The following FGD4 variants were observed in gnomAD, a reference collection of about 807,000 sequenced individuals.
FGD4 encodes the protein FYVE, RhoGEF and PH domain containing 4, also known as FYVE, RhoGEF and PH domain-containing protein 4.
In FGD4, 42 loss-of-function variants were observed where a neutral mutation model predicts 102.0. That is an observed-to-expected ratio of 0.41 (90% CI 0.32 to 0.53). The LOEUF (loss-of-function observed/expected upper bound fraction) is 0.53. Ranked by LOEUF, FGD4 falls within the 20% of genes least tolerant of loss-of-function variation. The probability of loss-of-function intolerance (pLI) is 0.21; values close to 1 mark genes in which losing one functional copy is unlikely to be tolerated. For synonymous variants in FGD4, 380 were observed against 375.7 expected (o/e 1.01, Z -0.13); for missense variants, 902 against 1,078.2 (o/e 0.84, Z 2.29).
intron 1 of FGD4, among the ~76,000 whole-genome samples, chr12:32,513,263 A>G (rs1939569344): frequency 6.6e-6 from 1 of 152,222 alleles, no homozygotes; most frequent in African/African-American, 2.4e-5. Context: ...CACACATAAA[A>G]GCTTGAAAAC....
At chr12:32,485,817 A>C in intron 1 of FGD4, 2 of 982,458 alleles carry the variant, frequency 2.0e-6, no homozygotes, top group Non-Finnish European at 2.4e-6. Context: ...TGTATTTGGC[A>C]TCATACTTCC....
Position 32,606,330 on chromosome 12 carries a change from AATCTAATAGAGCTCAG to A in FGD4, c.1405-1619_1405-1604del, listed in dbSNP as rs1232007596. 1.4e-4 allele frequency among the ~76,000 whole-genome samples: 22 copies of A among 152,240 alleles called. No individual in the cohort carries two copies. The East Asian group carries it at 1.7e-3, about 12-fold the overall frequency. ...CCCTAAAGCCACACTGCAGTAGATTAATCTAATAGAGCTCAGATCTAATGATACAACTGTCATGCAC... is the reference window on the plus strand; with the variant it reads ...CCCTAAAGCCACACTGCAGTAGATTAATCTAATGATACAACTGTCATGCAC... On this transcript the variant is annotated intron_variant, in intron 7 of 16. Transcript: ENST00000534526.
chr12:32,401,192 T>G lies in FGD4; in HGVS notation c.166+1233T>G, dbSNP rs553149648. On this transcript the variant is annotated intron_variant, in intron 1 of 16. Coordinates refer to ENST00000534526, the MANE Select transcript of FGD4 (RefSeq NM_001370298.3). ...GGATCGAAGGTATTTATTTAATGGG[T>G]TTTCAAGTTATTTAATGTACAGAAT... Among the ~76,000 whole-genome samples, 8 of 152,262 alleles carry G rather than the reference T, an allele frequency of 5.3e-5. 1 individual carries two copies. The highest frequency in any genetic ancestry group is 1.0e-4 in the Non-Finnish European group (7 of 68,018).
At chr12:32,607,884 CTGTT>C (rs1250216144) in intron 7 of FGD4, 69 bp from the exon 8 acceptor site, 1 of 1,568,446 alleles carries the variant, frequency 6.4e-7, no homozygotes, top group African/African-American at 1.4e-5. Flanking sequence ...GACGAAAGTT[CTGTT>C]TTACAGTGAG....
intron 1 of FGD4, among the ~76,000 whole-genome samples, chr12:32,401,187 A>G (rs1189171744): frequency 6.6e-6 from 1 of 152,198 alleles, no homozygotes; most frequent in Non-Finnish European, 1.5e-5. Flanking sequence ...TATTTATTTA[A>G]TGGGTTTTCA....
chr12:32,492,072 A>G (rs1186215045), intron 1 of FGD4, among the ~76,000 whole-genome samples: 3 of 152,254 alleles, frequency 2.0e-5, no homozygotes, highest in Non-Finnish European at 4.4e-5. Flanking sequence ...AGAAAGTCAG[A>G]TAGTGACTCT....
At chr12:32,618,607 G>T (rs185028670) in intron 10 of FGD4, among the ~76,000 whole-genome samples, 14 of 152,276 alleles carry the variant, frequency 9.2e-5, no homozygotes, top group African/African-American at 3.4e-4. Context: ...TGAGGTGAGA[G>T]TATTATTTGA....
intron 1 of FGD4, among the ~76,000 whole-genome samples, chr12:32,517,674 C>T (rs1306897187): frequency 1.3e-5 from 2 of 152,144 alleles, no homozygotes; most frequent in African/African-American, 4.8e-5. Flanking sequence ...AGGAGAATTG[C>T]TTGAGCCCAG....
chr12:32,518,944 G>A (rs1353160298), intron 1 of FGD4, among the ~76,000 whole-genome samples: 2 of 151,722 alleles, frequency 1.3e-5, no homozygotes, highest in African/African-American at 4.8e-5. Context: ...GAGAAACTCT[G>A]TCTCTACTAA....
At chr12:32,550,397 TGGTGGC>T (rs1373651742) in intron 1 of FGD4, among the ~76,000 whole-genome samples, 1 of 151,726 alleles carries the variant, frequency 6.6e-6, no homozygotes, top group Non-Finnish European at 1.5e-5. Context: ...TGGGCATGAG[TGGTGGC>T]TCATGCCTGT....
chr12:32,618,467 G>A (rs555555729), intron 10 of FGD4, among the ~76,000 whole-genome samples: 13 of 151,510 alleles, frequency 8.6e-5, no homozygotes, highest in Admixed American at 2.0e-4. Context: ...TTTTTTTCAC[G>A]TGTTCTAATG....
intron 1 of FGD4, among the ~76,000 whole-genome samples, chr12:32,446,834 G>C (rs574356893): frequency 3.0e-4 from 45 of 152,258 alleles, no homozygotes; most frequent in African/African-American, 1.1e-3. Flanking sequence ...GGGACACTGA[G>C]GAACAGCGCG....
chr12:32,446,449 A>G (rs2136465108), intron 1 of FGD4, among the ~76,000 whole-genome samples: 1 of 152,254 alleles, frequency 6.6e-6, no homozygotes, highest in South Asian at 2.1e-4. Flanking sequence ...GGCAGTACAC[A>G]CGGTCGAGGG....
chr12:32,445,864 T>A (rs756743017), intron 1 of FGD4, among the ~76,000 whole-genome samples: 1 of 152,194 alleles, frequency 6.6e-6, no homozygotes, highest in South Asian at 2.1e-4. Context: ...CATTTGTAGC[T>A]AATTTAAAAA....
At chr12:32,633,807 C>A in intron 15 of FGD4, 118 bp downstream of exon 15, 1 of 935,564 alleles carries the variant, frequency 1.1e-6, no homozygotes, top group Non-Finnish European at 1.6e-6. Flanking sequence ...CCTCAGCCTC[C>A]CAAGTTGCTG....
intron 1 of FGD4, among the ~76,000 whole-genome samples, chr12:32,419,440 C>T (rs1448982116): frequency 6.6e-6 from 1 of 152,194 alleles, no homozygotes; most frequent in Non-Finnish European, 1.5e-5. Flanking sequence ...CAGGGCAGCA[C>T]TGAGTTAAGT....
intron 10 of FGD4, among the ~76,000 whole-genome samples, chr12:32,612,036 T>G (rs892845249): frequency 6.6e-6 from 1 of 152,176 alleles, no homozygotes; most frequent in Non-Finnish European, 1.5e-5. Flanking sequence ...ACCGGCAGGG[T>G]GTGCACACAC....
At chr12:32,608,978 G>A (rs776333540) in intron 8 of FGD4, among the ~76,000 whole-genome samples, 5 of 152,084 alleles carry the variant, frequency 3.3e-5, no homozygotes, top group Non-Finnish European at 4.4e-5. Flanking sequence ...GTGCAGTGGC[G>A]CGATCTTAGC....
At chr12:32,450,099 A>G (rs906137486) in intron 1 of FGD4, among the ~76,000 whole-genome samples, 4 of 151,440 alleles carry the variant, frequency 2.6e-5, no homozygotes, top group Non-Finnish European at 5.9e-5. Flanking sequence ...TGCCTGGCTA[A>G]TTTTTGTATT....
Sources: gnomAD v4.1 joint callset for allele counts (sites outside exome capture counted in the v4.1 genomes callset) on GRCh38, gnomAD v4.1.1 for gene constraint, MANE v1.5 for transcripts, NCBI Gene and HGNC (gene_info 2026-07-23, HGNC 2026-07-21) for gene names.